MUC3A: variants seen among roughly 807,000 people sequenced by gnomAD.
MUC3A encodes mucin-3A.
MUC3A carries 109 observed loss-of-function variants against 109.0 expected under a neutral mutation model. That is an observed-to-expected ratio of 1.00 (90% confidence interval 0.86 to 1.17). The LOEUF is 1.17. MUC3A is among the 50% of genes most tolerant of loss of function. The probability of loss-of-function intolerance (pLI) is 0.00; values close to 1 mark genes in which losing one functional copy is unlikely to be tolerated. For synonymous variants in MUC3A, 1,398 were observed against 981.4 expected, an observed-to-expected ratio of 1.42 and a Z score of -7.93; for missense variants, 3,537 against 2,469.4, an observed-to-expected ratio of 1.43 and a Z score of -9.16.
At position 100,955,628 on chromosome 7, in the gene MUC3A, T is replaced by TG. The variant is rs1792077600; in HGVS notation, c.3849_3850insG (p.Thr1284AspfsTer36). The TG allele has an allele frequency of 7.9e-6, 3 of 379,112 alleles. No homozygotes were observed. The highest frequency in any genetic ancestry group is 4.5e-6 in the Non-Finnish European group (1 of 221,950). 23.5% of individuals were successfully genotyped at this position (379,112 alleles called of 1,614,324 possible). ...GTTCCCTCCTGACGACCTTCCCAAGTACATATTCATTTTCATCTTCCATGT... is the reference window on the plus strand; with the variant it reads ...GTTCCCTCCTGACGACCTTCCCAAGTGACATATTCATTTTCATCTTCCATGT... On this transcript the variant is annotated frameshift_variant, in exon 2 of 12. Transcript: ENST00000379458. LOFTEE classifies it high-confidence loss of function.
chr7:100,957,580 C>T lies in MUC3A; in HGVS notation c.5801C>T (p.Pro1934Leu), dbSNP rs1792133887. 3 of 1,434,474 alleles carry T rather than the reference C, an allele frequency of 2.1e-6. No homozygotes were observed. Among genetic ancestry groups the T allele is most frequent in the Non-Finnish European group, 2.7e-6 (3 of 1,098,972 alleles). The allele number at this position is 1,434,474 out of a possible 1,614,324, so 88.9% of individuals were successfully genotyped here. Residue 1934 changes from proline to leucine, a missense_variant, in exon 2 of 12, where the codon CCC becomes CTC. Physicochemically the swap from Pro to Leu is moderately conservative, Grantham distance 98 (BLOSUM62 -3). Coordinates refer to ENST00000379458, the MANE Select transcript of MUC3A (RefSeq NM_005960.2). ...FTSSITTTET[P>L]SHSTPRFTSS... ...TCTTCAATCACCACTACCGAGACCCCCTCACACAGTACTCCCAGATTCACT... is the reference window on the plus strand; with the variant it reads ...TCTTCAATCACCACTACCGAGACCCTCTCACACAGTACTCCCAGATTCACT...
intron 3 of MUC3A, among the ~76,000 whole-genome samples, chr7:100,962,716 T>G (rs1792371306): frequency 7.0e-6 from 1 of 143,772 alleles, no homozygotes; most frequent in Admixed American, 6.9e-5. Context: ...TTCTTTTCTT[T>G]CCTTTCTTTT....
In MUC3A at chr7:100,963,145, G is replaced by C; in HGVS notation, c.9053-6G>C. 1.3e-6 allele frequency: 2 copies of C among 1,597,970 alleles called. No individual in the cohort carries two copies. Among genetic ancestry groups the C allele is most frequent in the Non-Finnish European group, 1.7e-6 (2 of 1,179,620 alleles). On this transcript the variant is annotated splice_polypyrimidine_tract_variant and splice_region_variant and intron_variant, in intron 3 of 11. Transcript: ENST00000379458. ...AAGTGACTGGGGACATGCATGCTCT[G>C]TGTAGATGTAGTGGAGACCGAGGTG...
At chr7:100,964,467 C>A in intron 5 of MUC3A, 1 of 671,980 alleles carries the variant, frequency 1.5e-6, no homozygotes, top group South Asian at 2.7e-5. Context: ...CTATAAAACA[C>A]ACAGAGAGAG....
chr7:100,955,697 A>C lies in MUC3A; in HGVS notation c.3918A>C (p.Ser1306=). 2.4e-6 allele frequency: 1 copy of C among 423,302 alleles called. No homozygotes were observed. The highest frequency in any genetic ancestry group is 4.1e-6 in the Non-Finnish European group (1 of 242,200). The allele number at this position is 423,302 out of a possible 1,614,324, so 26.2% of individuals were successfully genotyped here. A position where few individuals can be genotyped will look rare whatever the true frequency, so the allele number is the denominator to read the frequency against. Residue 1306 remains serine (S), a synonymous_variant, in exon 2 of 12, where the codon TCA becomes TCC. Transcript: ENST00000379458. Reference sequence around the variant, plus strand: ...CCACTCACACAGAGACTATTTCCTCACTTCCAGCCAGCACCAATACAATCC... The same window carrying C: ...CCACTCACACAGAGACTATTTCCTCCCTTCCAGCCAGCACCAATACAATCC... ...AGTTHTETIS[S]LPASTNTIHT...
intron 1 of MUC3A, among the ~76,000 whole-genome samples, chr7:100,950,150 G>C (rs978677064): frequency 6.6e-6 from 1 of 152,162 alleles, no homozygotes; most frequent in Non-Finnish European, 1.5e-5. Flanking sequence ...TCGGTCCTCT[G>C]GTTTCAGCCT....
rs933584100 is a variant in MUC3A at position 100,957,841 on chromosome 7, A to C, written c.6062A>C (p.His2021Pro). ...ATCACCACCACTGAGACCACATCCC[A>C]CAATACTCCCAGCTTGACTTCTTCG... ...SSITTTETTS[H>P]NTPSLTSSIT... Residue 2021 changes from histidine (H) to proline (P), a missense_variant, in exon 2 of 12, where the codon CAC becomes CCC. Transcript: ENST00000379458. 1.2e-4 allele frequency: 89 copies of C among 746,766 alleles called. No individual in the cohort carries two copies. The highest frequency in any genetic ancestry group is 2.0e-4 in the Non-Finnish European group (85 of 431,824). The allele number at this position is 746,766 out of a possible 1,614,324, so 46.3% of individuals were successfully genotyped here. A position where few individuals can be genotyped will look rare whatever the true frequency, so the allele number is the denominator to read the frequency against.
chr7:100,959,420 C>T lies in MUC3A; in HGVS notation c.7641C>T (p.Thr2547=). 6.5e-7 allele frequency: 1 copy of T among 1,539,100 alleles called. No individual in the cohort carries two copies. Among genetic ancestry groups the T allele is most frequent in the South Asian group, 1.3e-5 (1 of 78,440 alleles). ...TSSLVGTTSP[T]MSTVRMTLRI... Reference sequence around the variant, plus strand: ...CCCTTGTGGGCACCACCTCTCCCACCATGTCCACTGTGAGAATGACCCTCA... The same window carrying T: ...CCCTTGTGGGCACCACCTCTCCCACTATGTCCACTGTGAGAATGACCCTCA... The change falls in exon 2 of 12, where the codon ACC becomes ACT. Residue 2547 remains threonine, a synonymous_variant. Coordinates refer to ENST00000379458, the MANE Select transcript of MUC3A (RefSeq NM_005960.2).
chr7:100,963,745 T>C lies in MUC3A; in HGVS notation c.9226T>C (p.Ser3076Pro), dbSNP rs1415150962. 2 of 1,598,452 alleles carry C rather than the reference T, an allele frequency of 1.3e-6. No homozygotes were observed. Among genetic ancestry groups the C allele is most frequent in the African/African-American group, 1.3e-5 (1 of 74,964 alleles). The stretch of plus-strand genomic sequence containing the variant: ...CACCTTCAAGGGTGTGGAGATCCTG[T>C]CCCTGAGGTAGGAGACCCATCTGGG... Reference protein sequence around the residue: ...GFTFKGVEILSLRNGSIVVDY... With the variant: ...GFTFKGVEILPLRNGSIVVDY... The change falls in exon 5 of 12, where the codon TCC (serine) becomes CCC (proline). Residue 3076 changes from serine to proline, a missense_variant. Physicochemically the swap from Ser to Pro is moderately conservative, Grantham distance 74. Transcript: ENST00000379458.
In MUC3A at chr7:100,963,279, G is replaced by A; in HGVS notation, c.9168+13G>A. 2 of 1,565,224 alleles carry A rather than the reference G, an allele frequency of 1.3e-6. No individual in the cohort carries two copies. The highest frequency in any genetic ancestry group is 1.8e-5 in the Admixed American group (1 of 54,516). ...CTTCTGGAATCAGGTAAAGGGCAAA[G>A]AGAGGGGATTTTTTTTTTTTTTTTG... On this transcript the variant is annotated intron_variant, in intron 4 of 11. Coordinates refer to ENST00000379458, the MANE Select transcript of MUC3A (RefSeq NM_005960.2).
At position 100,960,550 on chromosome 7, in the gene MUC3A, T is replaced by C. The variant is rs1269444688; in HGVS notation, c.8771T>C (p.Val2924Ala). The change falls in exon 2 of 12, where the codon GTG becomes GCG. Residue 2924 changes from valine (V) to alanine (A), a missense_variant. Coordinates refer to ENST00000379458, the MANE Select transcript of MUC3A (RefSeq NM_005960.2). ...PPTTRTSETP[V>A]ATTQTPTTLT... ...ACCACTAGGACTTCAGAGACACCAG[T>C]GGCCACTACCCAGACTCCTACCACC... The C allele has an allele frequency of 5.6e-6, 9 of 1,598,602 alleles. No individual in the cohort carries two copies. In the African/African-American group the frequency reaches 1.1e-4, roughly 19 times the overall value.
At position 100,952,921 on chromosome 7, in the gene MUC3A, C is replaced by A. The variant is rs374961892; in HGVS notation, c.1142C>A (p.Thr381Lys). 1.2e-4 allele frequency: 183 copies of A among 1,484,298 alleles called. 1 individual carries two copies. The East Asian group carries it at 4.2e-3, about 34-fold the overall frequency. The allele number at this position is 1,484,298 out of a possible 1,614,324, so 91.9% of individuals were successfully genotyped here. A position where few individuals can be genotyped will look rare whatever the true frequency, so the allele number is the denominator to read the frequency against. ...SSSLPTTETA[T>K]TPMTNLVTTT... ...TCTCTCCCAACCACAGAAACAGCCA[C>A]GACTCCTATGACAAACTTGGTAACC... Residue 381 changes from threonine to lysine, a missense_variant, in exon 2 of 12, where the codon ACG becomes AAG. By Grantham distance (78) the Thr-to-Lys change is moderately conservative. Transcript: ENST00000379458.
chr7:100,966,588 G>T lies in MUC3A; in HGVS notation c.9785+29G>T, dbSNP rs750162854. On this transcript the variant is annotated intron_variant, in intron 9 of 11. Coordinates refer to ENST00000379458, the MANE Select transcript of MUC3A (RefSeq NM_005960.2). Reference sequence around the variant, plus strand: ...AGCGTGCGGGGGGCGGGGCCGGGGGGCGAGGGCAGCCAAGGGGTCCCAGGC... The same window carrying T: ...AGCGTGCGGGGGGCGGGGCCGGGGGTCGAGGGCAGCCAAGGGGTCCCAGGC... The T allele has an allele frequency of 3.2e-6, 5 of 1,579,064 alleles. No individual in the cohort carries two copies. The African/African-American group carries it at 6.7e-5, about 21-fold the overall frequency.
chr7:100,966,708 CT>C lies in MUC3A; in HGVS notation c.9847del (p.Ser3283GlnfsTer27), dbSNP rs775274522. 6.3e-7 allele frequency: 1 copy of C among 1,598,554 alleles called. No individual in the cohort carries two copies. Among genetic ancestry groups the C allele is most frequent in the South Asian group, 1.1e-5 (1 of 91,090 alleles). On this transcript the variant is annotated frameshift_variant, in exon 10 of 12. Coordinates refer to ENST00000379458, the MANE Select transcript of MUC3A (RefSeq NM_005960.2). LOFTEE classifies it high-confidence loss of function. The part of the protein sequence containing the change: ...FETWDEEVVG[T>X]FSNWGFEDDG... The stretch of plus-strand genomic sequence containing the variant: ...ACCTGGGATGAGGAAGTCGTGGGCA[CT>C]TTTTCAAACTGGGGTTTCGAGGACG...
At position 100,958,748 on chromosome 7, in the gene MUC3A, C is replaced by T; in HGVS notation, c.6969C>T (p.Ser2323=). 2.1e-6 allele frequency: 3 copies of T among 1,440,814 alleles called. No individual in the cohort carries two copies. Among genetic ancestry groups the T allele is most frequent in the Non-Finnish European group, 2.8e-6 (3 of 1,087,514 alleles). 89.3% of individuals were successfully genotyped at this position (1,440,814 alleles called of 1,614,324 possible). Residue 2323 remains serine, a synonymous_variant, in exon 2 of 12, where the codon AGC becomes AGT. Coordinates refer to ENST00000379458, the MANE Select transcript of MUC3A (RefSeq NM_005960.2). The part of the protein sequence containing the change: ...TTETTSHSAH[S]FTSSITTTET... ...AGACCACCTCACACAGTGCTCACAG[C>T]TTCACTTCTTCGATCACCACCACCG...
chr7:100,951,700 C>G (rs1359878193), intron 1 of MUC3A, 141 bp from the exon 2 acceptor site: 5 of 1,326,552 alleles, frequency 3.8e-6, no homozygotes, highest in South Asian at 2.9e-5. Context: ...CAAGCTGCCT[C>G]TGATGCAGGA....
Position 100,957,015 on chromosome 7 carries a change from T to G in MUC3A, c.5236T>G (p.Ser1746Ala). The G allele has an allele frequency of 4.5e-6, 2 of 439,968 alleles. No homozygotes were observed. Among genetic ancestry groups the G allele is most frequent in the Non-Finnish European group, 8.0e-6 (2 of 251,054 alleles). The allele number at this position is 439,968 out of a possible 1,614,324, so 27.3% of individuals were successfully genotyped here. Reference protein sequence around the residue: ...SPKTTTLTPTSDISTGSFKTA... With the variant: ...SPKTTTLTPTADISTGSFKTA... ...TAAGACCACCACACTGACTCCTACC[T>G]CTGACATTTCCACAGGATCTTTCAA... Residue 1746 changes from serine to alanine, a missense_variant, in exon 2 of 12, where the codon TCT becomes GCT. Physicochemically the swap from Ser to Ala is moderately conservative, Grantham distance 99. Transcript: ENST00000379458.
rs528509491 is a variant in MUC3A, at chr7:100,949,870, C to T, written c.61+185C>T. 0.021 allele frequency among the ~76,000 whole-genome samples: 44 copies of T among 2,110 alleles called. 2 individuals carry two copies. In the East Asian group the frequency reaches 0.28, roughly 13 times the overall value. 1.4% of individuals were successfully genotyped at this position (2,110 alleles called of 152,430 possible). On this transcript the variant is annotated intron_variant, in intron 1 of 11. Transcript: ENST00000379458. ...AGGGGGCGGTGAGGAGAGGTTTCTTCCAGAGCTCCAGGTGCAGGGAAAACC... is the reference window on the plus strand; with the variant it reads ...AGGGGGCGGTGAGGAGAGGTTTCTTTCAGAGCTCCAGGTGCAGGGAAAACC...
In MUC3A at chr7:100,963,204, C is replaced by A. The variant is rs941772911; in HGVS notation, c.9106C>A (p.Pro3036Thr). The A allele has an allele frequency of 3.1e-6, 5 of 1,598,238 alleles. No homozygotes were observed. The Admixed American group carries it at 5.0e-5, about 16-fold the overall frequency. The change falls in exon 4 of 12, where the codon CCG becomes ACG. Residue 3036 changes from proline (P) to threonine (T), a missense_variant. Pro to Thr is a conservative substitution (Grantham distance 38). Coordinates refer to ENST00000379458, the MANE Select transcript of MUC3A (RefSeq NM_005960.2). ...MEVSVDQQFS[P>T]DLNDNTSQAY... ...AGTGTCTGTGGATCAGCAGTTCTCGCCGGACCTCAATGACAACACTTCCCA... is the reference window on the plus strand; with the variant it reads ...AGTGTCTGTGGATCAGCAGTTCTCGACGGACCTCAATGACAACACTTCCCA...
Sources: allele counts gnomAD v4.1 joint callset (sites outside exome capture counted in the v4.1 genomes callset), GRCh38; gene constraint gnomAD v4.1.1; transcripts MANE v1.5; gene names NCBI Gene and HGNC (gene_info 2026-07-23, HGNC 2026-07-21).